ERBIN: variants seen among roughly 807,000 people sequenced by gnomAD.
ERBIN encodes the protein densin-180-like protein.
A neutral mutation model predicts 158.4 loss-of-function variants in ERBIN; 60 were observed. The ratio of observed to expected loss-of-function variants is 0.38; its 90% CI spans 0.31 to 0.47. ERBIN has a LOEUF of 0.47. Ranked by LOEUF, ERBIN falls within the 20% of genes least tolerant of loss-of-function variation. ERBIN has a pLI of 0.99. For missense variants in ERBIN, 1,610 were observed against 1,648.0 expected (o/e 0.98, Z 0.40); for synonymous variants, 594 against 557.2 (o/e 1.07, Z -0.93).
At chr5:65,981,165 A>G (rs1750615921) in intron 1 of ERBIN, among the ~76,000 whole-genome samples, 1 of 152,236 alleles carries the variant, frequency 6.6e-6, no homozygotes, top group Non-Finnish European at 1.5e-5. Context: ...TTTGAAATTA[A>G]GGAAGTCAAT....
At chr5:66,023,200 T>C in intron 8 of ERBIN, 90 bp from the exon 9 acceptor site, 1 of 886,938 alleles carries the variant, frequency 1.1e-6, no homozygotes, top group Non-Finnish European at 1.8e-6. Flanking sequence ...AACTAAAGGT[T>C]ATTAGAAATT....
chr5:66,047,620 T>C lies in ERBIN; in HGVS notation c.1789-1047T>C, dbSNP rs142346108. 1.5e-3 allele frequency among the ~76,000 whole-genome samples: 233 copies of C among 152,198 alleles called. 1 individual carries two copies. Among genetic ancestry groups the C allele is most frequent in the African/African-American group, 5.5e-3 (227 of 41,564 alleles). On this transcript the variant is annotated intron_variant, in intron 18 of 25. Coordinates refer to ENST00000284037, the MANE Select transcript of ERBIN (RefSeq NM_001253697.2). ...CACTGCAGTACATACTAGCTACAAG[T>C]GGCTATTTAAGTTAATACATCTTCA...
At chr5:66,051,041 T>C in intron 20 of ERBIN, 75 bp downstream of exon 20, 1 of 902,916 alleles carries the variant, frequency 1.1e-6, no homozygotes, top group Non-Finnish European at 1.7e-6. Context: ...AATACATAAA[T>C]ATATAGGGTT....
At chr5:66,030,126 G>GC (rs1323843272) in intron 14 of ERBIN, among the ~76,000 whole-genome samples, 2 of 151,888 alleles carry the variant, frequency 1.3e-5, no homozygotes, top group African/African-American at 2.4e-5. Context: ...CAACCTCTGT[G>GC]CCCCCGGGCT....
chr5:66,074,895 G>T (rs1482931202), intron 22 of ERBIN, 129 bp from the exon 23 acceptor site: 2 of 707,712 alleles, frequency 2.8e-6, no homozygotes, highest in South Asian at 2.1e-5. Flanking sequence ...ATAGTAAGTG[G>T]CATGGTATTG....
intron 1 of ERBIN, among the ~76,000 whole-genome samples, chr5:65,934,738 A>G (rs1391823083): frequency 1.3e-5 from 2 of 152,204 alleles, no homozygotes; most frequent in Admixed American, 6.5e-5. Flanking sequence ...ATTTTGCGGT[A>G]GGTGCTTTGA....
chr5:65,991,930 T>C (rs1751907044), intron 2 of ERBIN, among the ~76,000 whole-genome samples: 1 of 152,162 alleles, frequency 6.6e-6, no homozygotes, highest in Non-Finnish European at 1.5e-5. Context: ...TGTGGAAACT[T>C]GGACTTTTCA....
rs975036227 is a variant in ERBIN at position 66,080,641 on chromosome 5, A to T, written c.*2111A>T. On this transcript the variant is annotated 3_prime_UTR_variant, in exon 26 of 26. Transcript: ENST00000284037. The stretch of plus-strand genomic sequence containing the variant: ...ACATTCTACTTTTAATCAGAAATAT[A>T]TTTAATAAGTATAATTGTGAAGTTT... 5 of 152,096 alleles carry T rather than the reference A, an allele frequency of 3.3e-5. No individual in the cohort carries two copies. Among genetic ancestry groups the T allele is most frequent in the African/African-American group, 1.2e-4 (5 of 41,458 alleles). The allele number at this position is 152,096 out of a possible 1,614,324, so 9.4% of individuals were successfully genotyped here.
chr5:66,026,508 C>T (rs568343116), intron 13 of ERBIN, 91 bp downstream of exon 13: 1 of 554,518 alleles, frequency 1.8e-6, no homozygotes, highest in Non-Finnish European at 3.0e-6. Context: ...ATAGCTAGTG[C>T]TTGTTGCTCT....
At chr5:65,983,430 T>C (rs1750863952) in intron 1 of ERBIN, among the ~76,000 whole-genome samples, 1 of 152,184 alleles carries the variant, frequency 6.6e-6, no homozygotes, top group Admixed American at 6.5e-5. Context: ...TTTACTCTTC[T>C]TACCTTCCTA....
intron 17 of ERBIN, 107 bp downstream of exon 17, chr5:66,044,417 C>CATT: frequency 3.9e-6 from 4 of 1,021,502 alleles, no homozygotes; most frequent in Non-Finnish European, 5.6e-6. Flanking sequence ...CAGTCATGCA[C>CATT]CACAGAATGA....
intron 4 of ERBIN, among the ~76,000 whole-genome samples, chr5:66,004,395 C>T (rs79260406): frequency 0.04 from 6,113 of 151,898 alleles, 415 homozygotes; most frequent in African/African-American, 0.14. Context: ...TGTGTGCGCG[C>T]GCGTGCGTGT....
At chr5:66,023,785 C>T (rs1755948974) in intron 9 of ERBIN, among the ~76,000 whole-genome samples, 1 of 151,534 alleles carries the variant, frequency 6.6e-6, no homozygotes, top group East Asian at 1.9e-4. Context: ...ACACCATTCT[C>T]CTGCCTCAGC....
chr5:66,004,515 C>T (rs1331299675), intron 4 of ERBIN, among the ~76,000 whole-genome samples: 1 of 152,216 alleles, frequency 6.6e-6, no homozygotes, highest in African/African-American at 2.4e-5. Context: ...TCTTGTACCT[C>T]AGCCTCCCAA....
In ERBIN at chr5:65,978,267, C is replaced by T. The variant is rs1750257346; in HGVS notation, c.-57-10368C>T. Among the ~76,000 whole-genome samples the T allele has an allele frequency of 2.0e-5, 3 of 152,168 alleles. No individual in the cohort carries two copies. The South Asian group carries it at 6.2e-4, about 31-fold the overall frequency. On this transcript the variant is annotated intron_variant, in intron 1 of 25. Coordinates refer to ENST00000284037, the MANE Select transcript of ERBIN (RefSeq NM_001253697.2). Reference sequence around the variant, plus strand: ...CTGTTTCTTTCCTCATTCTCTCCCACCTTTTCCTTCAGATTATAGAATGGT... The same window carrying T: ...CTGTTTCTTTCCTCATTCTCTCCCATCTTTTCCTTCAGATTATAGAATGGT...
intron 1 of ERBIN, among the ~76,000 whole-genome samples, chr5:65,988,155 A>G (rs950862648): frequency 1.3e-5 from 2 of 152,008 alleles, no homozygotes; most frequent in African/African-American, 2.4e-5. Context: ...AGAATCGCTT[A>G]AGGCCAGGAG....
intron 1 of ERBIN, among the ~76,000 whole-genome samples, chr5:65,961,692 A>G (rs940974167): frequency 6.6e-6 from 1 of 152,164 alleles, no homozygotes; most frequent in African/African-American, 2.4e-5. Flanking sequence ...TTGTAATACT[A>G]AGTATGACTA....
At chr5:65,984,737 A>C (rs7721360) in intron 1 of ERBIN, 6,103 of 152,218 alleles carry the variant, frequency 0.04, 415 homozygotes, top group African/African-American at 0.14. Context: ...GGTTTGGCTT[A>C]TGCTTCTGCT....
intron 4 of ERBIN, among the ~76,000 whole-genome samples, chr5:66,008,417 G>A (rs1753850657): frequency 6.6e-6 from 1 of 152,086 alleles, no homozygotes; most frequent in Non-Finnish European, 1.5e-5. Context: ...AGACTCCATC[G>A]CTAAATAAAT....
Sources: allele counts gnomAD v4.1 joint callset (sites outside exome capture counted in the v4.1 genomes callset), GRCh38; gene constraint gnomAD v4.1.1; transcripts MANE v1.5; gene names NCBI Gene and HGNC (gene_info 2026-07-23, HGNC 2026-07-21).